Variants in SMARCA2 observed in about 807,000 individuals in gnomAD.
SMARCA2 encodes the protein SWI/SNF related BAF chromatin remodeling complex subunit ATPase 2.
SMARCA2 carries 61 observed loss-of-function variants against 199.8 expected under a neutral mutation model. That is an observed-to-expected ratio of 0.31 (90% CI 0.25 to 0.38). The LOEUF (loss-of-function observed/expected upper bound fraction) is 0.38. Ranked by LOEUF, SMARCA2 falls within the 10% of genes least tolerant of loss-of-function variation. The pLI is 1.00. For synonymous variants in SMARCA2, 935 were observed against 732.0 expected (o/e 1.28, Z -4.48); for missense variants, 1,344 against 2,012.2 (o/e 0.67, Z 6.35).
chr9:2,167,619 C>A (rs1476931005), intron 28 of SMARCA2, among the ~76,000 whole-genome samples: 1 of 152,220 alleles, frequency 6.6e-6, no homozygotes, highest in African/African-American at 2.4e-5. Flanking sequence ...TGCTGTCTTC[C>A]CCTAGCTGGG....
chr9:2,069,699 T>C lies in SMARCA2; in HGVS notation c.1693-719T>C, dbSNP rs186125310. On this transcript the variant is annotated intron_variant, in intron 9 of 33. Transcript: ENST00000349721. ...GTGGAATTAAAAACATCCAGGGAAC[T>C]CATAAAGTTTTATATTATGTTTTTA... is the stretch of plus-strand genomic sequence containing the variant. 9.3e-4 allele frequency among the ~76,000 whole-genome samples: 142 copies of C among 152,358 alleles called. 3 individuals are homozygous for C. In the East Asian group the frequency reaches 0.023, roughly 24 times the overall value.
intron 27 of SMARCA2, among the ~76,000 whole-genome samples, chr9:2,142,260 T>G (rs1824499445): frequency 1.3e-5 from 2 of 152,254 alleles, no homozygotes; most frequent in Non-Finnish European, 2.9e-5. Context: ...AGTTTTTAAT[T>G]GGCTTTTCCT....
At chr9:2,077,799 C>T (rs1415239643) in intron 14 of SMARCA2, 23 bp downstream of exon 14, 1 of 1,586,452 alleles carries the variant, frequency 6.3e-7, no homozygotes, top group South Asian at 1.1e-5. Flanking sequence ...GTTTCAGTTT[C>T]CTTGGCAAGT....
At chr9:2,146,054 T>G (rs1586752856) in intron 27 of SMARCA2, among the ~76,000 whole-genome samples, 1 of 152,348 alleles carries the variant, frequency 6.6e-6, no homozygotes, top group East Asian at 1.9e-4. Context: ...GGTGTCTTAG[T>G]CTGGGATGCT....
At chr9:2,124,222 C>G (rs1823589616) in intron 27 of SMARCA2, among the ~76,000 whole-genome samples, 1 of 152,226 alleles carries the variant, frequency 6.6e-6, no homozygotes, top group Non-Finnish European at 1.5e-5. Flanking sequence ...ATTATGAGAG[C>G]TGTGAGACCC....
At chr9:2,037,998 C>CT (rs1269800601) in intron 3 of SMARCA2, among the ~76,000 whole-genome samples, 7 of 152,156 alleles carry the variant, frequency 4.6e-5, no homozygotes, top group African/African-American at 1.7e-4. Flanking sequence ...TTTGATTTTT[C>CT]TTCCCCAGAA....
chr9:2,142,135 GT>G (rs1824491899), intron 27 of SMARCA2, among the ~76,000 whole-genome samples: 1 of 152,162 alleles, frequency 6.6e-6, no homozygotes, highest in South Asian at 2.1e-4. Context: ...CATCAGTCAA[GT>G]TGCAGATGCT....
chr9:2,039,776 A>ACAGCAGCAGCAACAG lies in SMARCA2; in HGVS notation c.677_678insACAGCAGCAGCAGCA (p.Gln234_Gln238dup). ...GCTTGCAGCAACAACAGCAGCAGCAACAGCAGCAGCAGCAGCAGCAGCAGC... is the reference window on the plus strand; with the variant it reads ...GCTTGCAGCAACAACAGCAGCAGCAACAGCAGCAGCAACAGCAGCAGCAGCAGCAGCAGCAGCAGC... On this transcript the variant is annotated inframe_insertion, in exon 4 of 34. Coordinates refer to ENST00000349721, the MANE Select transcript of SMARCA2 (RefSeq NM_003070.5). This position sits in a 1 kb window ranked among gnomAD's most constrained non-coding sequence, Gnocchi z 4.8. 6.3e-7 allele frequency: 1 copy of ACAGCAGCAGCAACAG among 1,596,012 alleles called. No homozygotes were observed. The highest frequency in any genetic ancestry group is 1.4e-5 in the African/African-American group (1 of 73,592).
chr9:2,062,078 G>A (rs1428230580), intron 9 of SMARCA2, among the ~76,000 whole-genome samples: 3 of 152,178 alleles, frequency 2.0e-5, no homozygotes, highest in African/African-American at 7.2e-5. Context: ...TGTTTTCAGA[G>A]TTAGTGAGGA....
chr9:2,041,099 T>C (rs1207675786), intron 4 of SMARCA2: 6 of 343,052 alleles, frequency 1.7e-5, no homozygotes, highest in Non-Finnish European at 3.1e-5. Flanking sequence ...GTTTTGGGCC[T>C]TATACCATGG....
chr9:2,173,573 C>T (rs193018298), intron 29 of SMARCA2, among the ~76,000 whole-genome samples: 4 of 152,202 alleles, frequency 2.6e-5, no homozygotes, highest in Admixed American at 1.3e-4. Flanking sequence ...ATAGTTTGGA[C>T]CCAGAATCAA....
intron 33 of SMARCA2, 136 bp from the exon 34 acceptor site, chr9:2,192,568 C>T: frequency 1.4e-6 from 1 of 731,514 alleles, no homozygotes; most frequent in Non-Finnish European, 2.5e-6. Context: ...TGTTTCTGTC[C>T]TCCCACGGAA....
At chr9:2,027,385 T>C (rs1037575192) in intron 1 of SMARCA2, among the ~76,000 whole-genome samples, 2 of 152,074 alleles carry the variant, frequency 1.3e-5, no homozygotes, top group African/African-American at 4.8e-5. Flanking sequence ...GAGGCTTCAG[T>C]GAGCCATGAT....
chr9:2,048,792 A>G (rs1819993620), intron 5 of SMARCA2, among the ~76,000 whole-genome samples: 1 of 152,196 alleles, frequency 6.6e-6, no homozygotes, highest in Non-Finnish European at 1.5e-5. Flanking sequence ...TTGTCAATTG[A>G]TATTTCAGTG....
At chr9:2,036,767 T>C (rs1053806524) in intron 3 of SMARCA2, among the ~76,000 whole-genome samples, 3 of 152,214 alleles carry the variant, frequency 2.0e-5, no homozygotes, top group African/African-American at 7.2e-5. Flanking sequence ...TTTTTTTGTA[T>C]TGATTTTCCA....
chr9:2,190,483 G>A (rs975830989), intron 32 of SMARCA2, among the ~76,000 whole-genome samples: 21 of 152,332 alleles, frequency 1.4e-4, no homozygotes, highest in Admixed American at 7.8e-4. Context: ...TCCCACATAT[G>A]TGAGTAAACA....
rs137894208 is a variant in SMARCA2, at chr9:2,152,178, A to G, written c.3982-9508A>G. Among the ~76,000 whole-genome samples, 10 of 152,318 alleles carry G rather than the reference A, an allele frequency of 6.6e-5. No homozygotes were observed. The East Asian group carries it at 1.9e-3, about 29-fold the overall frequency. Reference sequence around the variant, plus strand: ...GTGAAATTTCACCCCGAATCCCAAGATGGAGGCAGGTTTATGATGATCCTG... The same window carrying G: ...GTGAAATTTCACCCCGAATCCCAAGGTGGAGGCAGGTTTATGATGATCCTG... On this transcript the variant is annotated intron_variant, in intron 27 of 33. Coordinates refer to ENST00000349721, the MANE Select transcript of SMARCA2 (RefSeq NM_003070.5).
At chr9:2,020,023 G>C (rs1467229363) in intron 1 of SMARCA2, among the ~76,000 whole-genome samples, 3 of 152,114 alleles carry the variant, frequency 2.0e-5, no homozygotes, top group Admixed American at 6.5e-5. Context: ...AGTGTTGGTA[G>C]GACCTGATTT....
intron 14 of SMARCA2, 102 bp downstream of exon 14, chr9:2,077,878 T>A: frequency 3.9e-6 from 4 of 1,026,676 alleles, no homozygotes; most frequent in Non-Finnish European, 5.8e-6. Context: ...TTGATGATAT[T>A]TTAGGCCACA....
Sources: gnomAD v4.1 joint callset for allele counts (sites outside exome capture counted in the v4.1 genomes callset) on GRCh38, gnomAD v4.1.1 for gene constraint, Gnocchi (gnomAD v3.1) non-coding constraint, MANE v1.5 for transcripts, NCBI Gene and HGNC (gene_info 2026-07-23, HGNC 2026-07-21) for gene names.